The following CWC27 variants were observed in gnomAD, a reference collection of about 807,000 sequenced individuals.
The protein encoded by CWC27 is CWC27 spliceosome associated cyclophilin.
CWC27 carries 47 observed loss-of-function variants against 63.6 expected under a neutral mutation model. The observed-to-expected ratio is 0.74, with a 90% CI of 0.58 to 0.94. CWC27 has a LOEUF of 0.94. Among genes scored for constraint, CWC27 ranks in the 40% least tolerant of loss-of-function variants. The pLI is 0.00. For missense variants in CWC27, 495 were observed against 554.3 expected (o/e 0.89, Z 1.07); for synonymous variants, 175 against 179.8 (o/e 0.97, Z 0.22).
intron 11 of CWC27, among the ~76,000 whole-genome samples, chr5:64,947,582 GTTA>G (rs1748613834): frequency 6.6e-6 from 1 of 152,036 alleles, no homozygotes; most frequent in Non-Finnish European, 1.5e-5. Flanking sequence ...TCCACAATCT[GTTA>G]TTATCTGTAC....
chr5:64,944,341 C>G (rs201292508), intron 11 of CWC27, among the ~76,000 whole-genome samples: 9 of 152,118 alleles, frequency 5.9e-5, no homozygotes, highest in East Asian at 1.9e-4. Flanking sequence ...AGTTAGACTT[C>G]CGTTCACACA....
chr5:64,947,655 A>G (rs1748615128), intron 11 of CWC27, among the ~76,000 whole-genome samples: 1 of 152,128 alleles, frequency 6.6e-6, no homozygotes, highest in South Asian at 2.1e-4. Context: ...GTTATATGGC[A>G]TGCTTAATTT....
intron 10 of CWC27, among the ~76,000 whole-genome samples, chr5:64,839,103 G>A (rs1561429415): frequency 1.3e-5 from 2 of 152,150 alleles, no homozygotes; most frequent in African/African-American, 4.8e-5. Flanking sequence ...CTTCTGTCTG[G>A]CATATACTAG....
At chr5:64,823,767 T>C (rs59539843) in intron 10 of CWC27, among the ~76,000 whole-genome samples, 4,322 of 152,262 alleles carry the variant, frequency 0.028, 147 homozygotes, top group African/African-American at 0.087. Context: ...TTAAGGCAGG[T>C]TTATGCTGCC....
chr5:64,877,674 A>G (rs1252132875), intron 10 of CWC27, among the ~76,000 whole-genome samples: 1 of 152,034 alleles, frequency 6.6e-6, no homozygotes, highest in African/African-American at 2.4e-5. Context: ...TAGCCCATAA[A>G]AATGTACACA....
chr5:64,827,488 A>G (rs964829641), intron 10 of CWC27, among the ~76,000 whole-genome samples: 8 of 152,194 alleles, frequency 5.3e-5, no homozygotes, highest in Non-Finnish European at 1.0e-4. Flanking sequence ...TAGAGGAAGG[A>G]GTATTGCTTT....
intron 10 of CWC27, among the ~76,000 whole-genome samples, chr5:64,811,818 C>G (rs1304017726): frequency 6.6e-6 from 1 of 151,966 alleles, no homozygotes; most frequent in Non-Finnish European, 1.5e-5. Flanking sequence ...AAATAAAGAT[C>G]TTATGAATTG....
At chr5:64,776,863 T>C (rs1289491097) in intron 2 of CWC27, among the ~76,000 whole-genome samples, 2 of 152,078 alleles carry the variant, frequency 1.3e-5, no homozygotes, top group Admixed American at 1.3e-4. Context: ...TCAACTAAAA[T>C]GATGTTCATA....
chr5:64,824,035 C>T (rs566989139), intron 10 of CWC27, among the ~76,000 whole-genome samples: 138 of 152,192 alleles, frequency 9.1e-4, no homozygotes, highest in South Asian at 2.1e-3. Context: ...TAGATATGTT[C>T]ACTGAAGGAA....
chr5:64,933,215 A>G (rs1748274541), intron 11 of CWC27, among the ~76,000 whole-genome samples: 1 of 152,202 alleles, frequency 6.6e-6, no homozygotes, highest in East Asian at 1.9e-4. Flanking sequence ...GTTGATCTGT[A>G]GGAGCTGGCA....
chr5:65,011,275 G>A (rs148813759), intron 13 of CWC27, among the ~76,000 whole-genome samples: 1 of 152,286 alleles, frequency 6.6e-6, no homozygotes, highest in African/African-American at 2.4e-5. Flanking sequence ...CTGCAGCCTA[G>A]TAAGGGAGAC....
Position 64,885,503 on chromosome 5 carries a change from A to C in CWC27, c.999A>C (p.Lys333Asn), listed in dbSNP as rs756262191. The C allele has an allele frequency of 5.0e-6, 8 of 1,608,180 alleles. No homozygotes were observed. Among genetic ancestry groups the C allele is most frequent in the Admixed American group, 1.7e-5 (1 of 59,294 alleles). Residue 333 changes from lysine to asparagine, a missense_variant, in exon 11 of 14, where the codon AAA becomes AAC. Lys to Asn is a moderately conservative substitution (Grantham distance 94). This residue lies in a region of CWC27 where 463 missense variants were observed against 498.1 expected (regional missense o/e 0.93). Transcript: ENST00000381070. The stretch of plus-strand genomic sequence containing the variant: ...GGGAACTCTTAGCAGCAAAACAAAA[A>C]AAAGTAGAAAATGCAGCAAAACAAG... The part of the protein sequence containing the change: ...LKRELLAAKQ[K>N]KVENAAKQAE...
chr5:65,000,069 G>A (rs867214412), intron 13 of CWC27, among the ~76,000 whole-genome samples: 4 of 151,934 alleles, frequency 2.6e-5, no homozygotes, highest in South Asian at 2.1e-4. Flanking sequence ...GCTTTGATTC[G>A]CAGGTCCCTA....
intron 13 of CWC27, among the ~76,000 whole-genome samples, chr5:65,000,120 C>T (rs1324428738): frequency 6.6e-6 from 1 of 152,024 alleles, no homozygotes; most frequent in Admixed American, 6.6e-5. Context: ...TACCTGTTGG[C>T]CATTTGTATA....
chr5:64,807,517 T>C, intron 10 of CWC27: 1 of 1,437,268 alleles, frequency 7.0e-7, no homozygotes, highest in Non-Finnish European at 9.1e-7. Context: ...ATCGGCACCC[T>C]TATATCTATT....
chr5:64,785,172 A>G (rs991056435), intron 4 of CWC27, among the ~76,000 whole-genome samples: 1 of 152,146 alleles, frequency 6.6e-6, no homozygotes, highest in Non-Finnish European at 1.5e-5. Flanking sequence ...TCCAAAGTTT[A>G]AATTTGTTTA....
At chr5:64,845,645 A>C (rs1580668403) in intron 10 of CWC27, among the ~76,000 whole-genome samples, 2 of 152,232 alleles carry the variant, frequency 1.3e-5, no homozygotes, top group Non-Finnish European at 2.9e-5. Flanking sequence ...AGAAAGAATC[A>C]ATGAGCTGGA....
intron 11 of CWC27, among the ~76,000 whole-genome samples, chr5:64,957,941 A>G (rs1466782648): frequency 2.0e-5 from 3 of 152,140 alleles, no homozygotes; most frequent in African/African-American, 7.2e-5. Flanking sequence ...TTTTTAGTAT[A>G]ATACTTTGTG....
chr5:64,869,413 A>G (rs1746610644), intron 10 of CWC27, among the ~76,000 whole-genome samples: 1 of 152,066 alleles, frequency 6.6e-6, no homozygotes, highest in South Asian at 2.1e-4. Context: ...CCTGGCTCAC[A>G]TCTTGTCCTT....
Sources: gnomAD v4.1 joint callset for allele counts (sites outside exome capture counted in the v4.1 genomes callset) on GRCh38, gnomAD v4.1.1 for gene constraint, gnomAD v4.1.1 regional missense constraint, MANE v1.5 for transcripts, NCBI Gene and HGNC (gene_info 2026-07-23, HGNC 2026-07-21) for gene names.